Variants in MFHAS1 observed in about 807,000 individuals in gnomAD.
The protein encoded by MFHAS1 is malignant fibrous histiocytoma-amplified sequence 1.
MFHAS1 carries 50 observed loss-of-function variants against 70.4 expected under a neutral mutation model. The observed-to-expected ratio is 0.71, with a 90% CI of 0.57 to 0.90. The LOEUF (loss-of-function observed/expected upper bound fraction) is 0.90, where lower values mean the gene tolerates loss of function less well. Ranked by LOEUF, MFHAS1 falls within the 40% of genes least tolerant of loss-of-function variation. The pLI, the probability that MFHAS1 is intolerant of heterozygous loss-of-function variation, is 0.00. For missense variants in MFHAS1, 1,795 were observed against 1,347.6 expected (o/e 1.33, Z -5.20); for synonymous variants, 952 against 620.0 (o/e 1.54, Z -7.96).
chr8:8,809,576 T>C (rs1806470408), intron 1 of MFHAS1, among the ~76,000 whole-genome samples: 1 of 152,182 alleles, frequency 6.6e-6, no homozygotes, highest in African/African-American at 2.4e-5. Flanking sequence ...CTTGGCTCCA[T>C]TTTGCTCGCT....
intron 1 of MFHAS1, 139 bp from the exon 2 acceptor site, chr8:8,797,630 G>A: frequency 1.0e-6 from 1 of 980,638 alleles, no homozygotes; most frequent in African/African-American, 1.6e-5. Flanking sequence ...GAACAAATGT[G>A]CAACCAAGAA....
chr8:8,839,781 G>T (rs759004503), intron 1 of MFHAS1, among the ~76,000 whole-genome samples: 1 of 152,092 alleles, frequency 6.6e-6, no homozygotes, highest in Non-Finnish European at 1.5e-5. Flanking sequence ...AGCCCAAAGA[G>T]TAACGGTCAC....
At chr8:8,847,454 T>C (rs1384002743) in intron 1 of MFHAS1, among the ~76,000 whole-genome samples, 1 of 152,200 alleles carries the variant, frequency 6.6e-6, no homozygotes, top group East Asian at 1.9e-4. Context: ...AGTGTTAAGA[T>C]GACAGGTGTG....
At chr8:8,854,234 T>C (rs1457030898) in intron 1 of MFHAS1, among the ~76,000 whole-genome samples, 2 of 152,014 alleles carry the variant, frequency 1.3e-5, no homozygotes, top group African/African-American at 2.4e-5. Context: ...CCGTGTCTAC[T>C]AAAAACATAA....
chr8:8,875,575 T>C (rs912295617), intron 1 of MFHAS1, among the ~76,000 whole-genome samples: 4 of 152,150 alleles, frequency 2.6e-5, no homozygotes, highest in African/African-American at 7.2e-5. Context: ...GAGAAACTTT[T>C]TTTTCTTCTA....
chr8:8,892,169 C>G lies in MFHAS1; in HGVS notation c.890G>C (p.Gly297Ala). ...GCGACTAAGGTAGAGCTCCTCCAGA[C>G]CAGCCAGGGGCAGCAGCGCGGCAGG... ...EFPAALLPLAGLEELYLSRNQ... is the reference protein window; with the variant it reads ...EFPAALLPLAALEELYLSRNQ... Residue 297 changes from glycine (G) to alanine (A), a missense_variant, in exon 1 of 3, where the codon GGT becomes GCT. By Grantham distance (60) the Gly-to-Ala change is moderately conservative (BLOSUM62 0). Coordinates refer to ENST00000276282, the MANE Select transcript of MFHAS1 (RefSeq NM_004225.3). This position sits in a 1 kb window ranked among gnomAD's most constrained non-coding sequence, Gnocchi z 4.7. 6.2e-7 allele frequency: 1 copy of G among 1,610,782 alleles called. No individual in the cohort carries two copies.
rs747273042 is a variant in MFHAS1, at chr8:8,892,470, G to A, written c.589C>T (p.Pro197Ser). ...DVDHNQLTAF[P>S]RQLLQLVALE... ...GCCACCAGCTGCAGCAGCTGCCGGG[G>A]GAAGGCAGTGAGCTGGTTGTGATCC... Residue 197 changes from proline (P) to serine (S), a missense_variant, in exon 1 of 3, where the codon CCC becomes TCC. Pro to Ser is a moderately conservative substitution (Grantham distance 74, BLOSUM62 -1). Coordinates refer to ENST00000276282, the MANE Select transcript of MFHAS1 (RefSeq NM_004225.3). The surrounding 1 kb of genome is among the most constrained non-coding windows in gnomAD (Gnocchi z 4.7). 42 of 1,608,282 alleles carry A rather than the reference G, an allele frequency of 2.6e-5. No homozygotes were observed. The highest frequency in any genetic ancestry group is 1.7e-4 in the Middle Eastern group (1 of 6,048).
intron 1 of MFHAS1, among the ~76,000 whole-genome samples, chr8:8,807,647 T>C (rs1052376116): frequency 1.5e-4 from 23 of 152,304 alleles, no homozygotes; most frequent in African/African-American, 4.8e-4. Flanking sequence ...GGCATTCGCG[T>C]GGATGGCATG....
chr8:8,839,563 T>G (rs1190355768), intron 1 of MFHAS1, among the ~76,000 whole-genome samples: 1 of 152,210 alleles, frequency 6.6e-6, no homozygotes, highest in African/African-American at 2.4e-5. Flanking sequence ...TAACCCTCCA[T>G]TTCTTATGTC....
intron 1 of MFHAS1, among the ~76,000 whole-genome samples, chr8:8,878,860 T>C (rs565640832): frequency 5.3e-5 from 8 of 152,200 alleles, no homozygotes; most frequent in Non-Finnish European, 7.3e-5. Context: ...CAACATTTAA[T>C]ATGCTAATAG....
intron 1 of MFHAS1, among the ~76,000 whole-genome samples, chr8:8,868,495 G>C (rs953811372): frequency 1.3e-5 from 2 of 151,424 alleles, no homozygotes; most frequent in Non-Finnish European, 2.9e-5. Flanking sequence ...GCCCTTGGTA[G>C]ACAGATGTGC....
chr8:8,786,375 C>A (rs1016156287), intron 2 of MFHAS1, among the ~76,000 whole-genome samples: 4 of 152,162 alleles, frequency 2.6e-5, no homozygotes, highest in African/African-American at 9.7e-5. Context: ...TAACTAACAA[C>A]CCAAAACTCT....
At chr8:8,817,338 C>T (rs535972369) in intron 1 of MFHAS1, among the ~76,000 whole-genome samples, 20 of 152,172 alleles carry the variant, frequency 1.3e-4, no homozygotes, top group Middle Eastern at 3.4e-3. Context: ...TGTTAATTGA[C>T]GTCCATTTGT....
intron 1 of MFHAS1, among the ~76,000 whole-genome samples, chr8:8,874,599 T>C (rs933805541): frequency 2.6e-5 from 4 of 152,188 alleles, no homozygotes; most frequent in Admixed American, 6.5e-5. Flanking sequence ...GCTTTGCTAA[T>C]GAATCTACCA....
intron 1 of MFHAS1, among the ~76,000 whole-genome samples, chr8:8,841,937 G>C (rs188788564): frequency 6.6e-6 from 1 of 152,182 alleles, no homozygotes; most frequent in Non-Finnish European, 1.5e-5. Flanking sequence ...TTCTGCATTA[G>C]CTCCAGAAAT....
At chr8:8,843,230 C>T (rs1585047074) in intron 1 of MFHAS1, among the ~76,000 whole-genome samples, 1 of 150,188 alleles carries the variant, frequency 6.7e-6, no homozygotes, top group Admixed American at 6.6e-5. Context: ...GATTGCGCCA[C>T]TGCAGTCCGC....
In MFHAS1 at chr8:8,789,561, G is replaced by C. The variant is rs183687516; in HGVS notation, c.3126-3506C>G. On this transcript the variant is annotated intron_variant, in intron 2 of 2. Transcript: ENST00000276282. ...ATGCAACAAAGAAATTATGACGCAA[G>C]GTACCGAGACACTTAGGCTGAAACT... Among the ~76,000 whole-genome samples the C allele has an allele frequency of 6.4e-4, 97 of 152,250 alleles. 1 individual carries two copies. Among genetic ancestry groups the C allele is most frequent in the Admixed American group, 5.0e-3 (77 of 15,296 alleles).
rs757540737 is a variant in MFHAS1 at position 8,892,516 on chromosome 8, G to T, written c.543C>A (p.Ser181=). The part of the protein sequence containing the change: ...AHLPDSLSCL[S]RLRTLDVDHN... ...GATCCACGTCCAGGGTGCGCAGGCG[G>T]GAGAGGCAGGAGAGGGAGTCAGGCA... is the stretch of plus-strand genomic sequence containing the variant. The change falls in exon 1 of 3, where the codon TCC becomes TCA. Residue 181 remains serine (S), a synonymous_variant. Coordinates refer to ENST00000276282, the MANE Select transcript of MFHAS1 (RefSeq NM_004225.3). The surrounding 1 kb of genome is among the most constrained non-coding windows in gnomAD (Gnocchi z 4.7). The T allele has an allele frequency of 6.3e-7, 1 of 1,596,628 alleles. No homozygotes were observed. The highest frequency in any genetic ancestry group is 8.5e-7 in the Non-Finnish European group (1 of 1,171,796).
At chr8:8,886,563 C>G (rs1170615896) in intron 1 of MFHAS1, among the ~76,000 whole-genome samples, 1 of 152,096 alleles carries the variant, frequency 6.6e-6, no homozygotes, top group African/African-American at 2.4e-5. Context: ...GCCAGAAAAT[C>G]CAACAGGACA....
Sources: allele counts gnomAD v4.1 joint callset (sites outside exome capture counted in the v4.1 genomes callset), GRCh38; gene constraint gnomAD v4.1.1; non-coding constraint Gnocchi (gnomAD v3.1); transcripts MANE v1.5; gene names NCBI Gene and HGNC (gene_info 2026-07-23, HGNC 2026-07-21).